KRABD1: variants seen among roughly 807,000 people sequenced by gnomAD.
KRABD1 encodes KRAB domain-containing protein 1.
the KRABD1 span, among the ~76,000 whole-genome samples, chr3:42,940,839 G>C: frequency 6.6e-6 from 1 of 152,156 alleles, no homozygotes; most frequent in Non-Finnish European, 1.5e-5. Context: ...TAATCACTGG[G>C]ATATATACAA....
the KRABD1 span, chr3:42,941,940 T>C: frequency 6.9e-7 from 1 of 1,453,544 alleles, no homozygotes. Context: ...TGTGTTATGT[T>C]TTCTTCTTTT....
the KRABD1 span, among the ~76,000 whole-genome samples, chr3:42,940,879 A>G: frequency 6.6e-6 from 1 of 152,226 alleles, no homozygotes; most frequent in Non-Finnish European, 1.5e-5. Flanking sequence ...CTAAGCTGAC[A>G]GCTATGTTCG....
chr3:42,936,886 A>T, the KRABD1 span: 1 of 152,174 alleles, frequency 6.6e-6, no homozygotes, highest in African/African-American at 2.4e-5. Flanking sequence ...GCCATAGTGT[A>T]CACCAGTCTT....
At chr3:42,942,517 T>C in the KRABD1 span, 1 of 693,340 alleles carries the variant, frequency 1.4e-6, no homozygotes, top group Non-Finnish European at 2.2e-6. Context: ...TTACAGTTGT[T>C]ATGATTTTCC....
At chr3:42,942,596 A>G in the KRABD1 span, 1 of 1,450,686 alleles carries the variant, frequency 6.9e-7, no homozygotes, top group Non-Finnish European at 9.1e-7. Context: ...GTAGAATAGT[A>G]TCAAAAATTT....
At chr3:42,941,226 G>C in the KRABD1 span, 15 of 1,554,904 alleles carry the variant, frequency 9.6e-6, no homozygotes, top group Non-Finnish European at 9.5e-6. Flanking sequence ...GTCGTTTCAG[G>C]AATCAGTGGC....
the KRABD1 span, chr3:42,942,075 A>C: frequency 3.2e-3 from 4,858 of 1,525,354 alleles, 20 homozygotes; most frequent in South Asian, 6.3e-3. Flanking sequence ...TGGATAGGTG[A>C]GTTAAGCAAG....
At chr3:42,941,426 C>A in the KRABD1 span, 1 of 1,424,172 alleles carries the variant, frequency 7.0e-7, no homozygotes. Context: ...TTAGCTGACC[C>A]CAAATAGCGA....
the KRABD1 span, chr3:42,942,511 AGTT>A: frequency 3.3e-6 from 2 of 613,164 alleles, no homozygotes; most frequent in South Asian, 3.3e-5. Context: ...TTAAGCTTAC[AGTT>A]GTTATGATTT....
chr3:42,939,598 A>G, the KRABD1 span, among the ~76,000 whole-genome samples: 1 of 152,174 alleles, frequency 6.6e-6, no homozygotes, highest in Admixed American at 6.5e-5. Flanking sequence ...TTTAGCTCAT[A>G]GGGTATATAT....
chr3:42,938,900 T>C, the KRABD1 span: 2 of 1,532,700 alleles, frequency 1.3e-6, no homozygotes, highest in South Asian at 1.2e-5. Context: ...GGTCAGATGA[T>C]GACAGCTGTG....
the KRABD1 span, chr3:42,941,435 G>A: frequency 1.1e-5 from 15 of 1,387,770 alleles, no homozygotes; most frequent in East Asian, 2.5e-5. Context: ...CCCAAATAGC[G>A]ATGTCAAAGG....
the KRABD1 span, chr3:42,941,483 C>T: frequency 5.2e-5 from 50 of 956,186 alleles, no homozygotes; most frequent in South Asian, 4.5e-4. Context: ...TATTGACTTG[C>T]GAAAGGCTTT....
the KRABD1 span, chr3:42,942,403 T>C: frequency 2.3e-6 from 1 of 443,572 alleles, no homozygotes. Flanking sequence ...AGTATTATCT[T>C]GTTCACTGAC....
chr3:42,938,758 T>C, the KRABD1 span: 2 of 509,832 alleles, frequency 3.9e-6, no homozygotes, highest in African/African-American at 3.7e-5. Flanking sequence ...CGGTTATTGA[T>C]ATAGCCTTCA....
At chr3:42,938,893 C>T in the KRABD1 span, 1 of 1,531,546 alleles carries the variant, frequency 6.5e-7, no homozygotes, top group Non-Finnish European at 8.7e-7. Context: ...TAAAAGAGGT[C>T]AGATGATGAC....
the KRABD1 span, chr3:42,942,180 G>A: frequency 4.0e-6 from 3 of 750,948 alleles, no homozygotes; most frequent in South Asian, 3.2e-5. Flanking sequence ...AGTACACTGG[G>A]ATCCTCGATC....
the KRABD1 span, chr3:42,938,694 T>C: frequency 2.3e-6 from 1 of 437,302 alleles, no homozygotes; most frequent in South Asian, 4.8e-5. Flanking sequence ...TGCATTTCTC[T>C]GTATGCCTGC....
chr3:42,941,286 G>T, the KRABD1 span: 1 of 1,596,362 alleles, frequency 6.3e-7, no homozygotes, highest in Non-Finnish European at 8.5e-7. Context: ...GGCCATCATG[G>T]TGCCTGCCGA....
Sources: gnomAD v4.1 joint callset for allele counts (sites outside exome capture counted in the v4.1 genomes callset) on GRCh38, gnomAD v4.1.1 for gene constraint, MANE v1.5 for transcripts, NCBI Gene and HGNC (gene_info 2026-07-23, HGNC 2026-07-21) for gene names.